ALOX12B: variants seen among roughly 807,000 people sequenced by gnomAD.
ALOX12B encodes arachidonate 12-lipoxygenase, 12R-type.
A neutral mutation model predicts 78.9 loss-of-function variants in ALOX12B; 47 were observed. The observed-to-expected ratio is 0.60, with a 90% CI of 0.47 to 0.76. The LOEUF is 0.76. Among genes scored for constraint, ALOX12B ranks in the 30% least tolerant of loss-of-function variants. ALOX12B has a pLI of 0.00. For missense variants in ALOX12B, 805 were observed against 922.6 expected, an observed-to-expected ratio of 0.87 and a Z score of 1.65; for synonymous variants, 370 against 374.5, an observed-to-expected ratio of 0.99 and a Z score of 0.14.
rs1567981916 is a variant in ALOX12B, at chr17:8,077,121, T to C, written c.1144A>G (p.Lys382Glu). ...SDSEWDWLLA[K>E]TWVRYAEFYS... ...AACTCCGCATAGCGTACCCACGTCT[T>C]GGCTAGCAGCCAGTCCCACTCAGAA... Residue 382 changes from lysine (K) to glutamate (E), a missense_variant, in exon 9 of 15, where the codon AAG becomes GAG. Lys to Glu is a moderately conservative substitution (Grantham distance 56). Transcript: ENST00000647874. 6.2e-7 allele frequency: 1 copy of C among 1,613,488 alleles called. No homozygotes were observed. The highest frequency in any genetic ancestry group is 1.7e-5 in the Admixed American group (1 of 60,016).
At chr17:8,081,832 G>A (rs1345858396) in intron 2 of ALOX12B, among the ~76,000 whole-genome samples, 1 of 152,062 alleles carries the variant, frequency 6.6e-6, no homozygotes, top group East Asian at 1.9e-4. Context: ...TAGTAGACAC[G>A]TGGTTTCGCC....
intron 8 of ALOX12B, among the ~76,000 whole-genome samples, chr17:8,077,536 G>T (rs1449901726): frequency 6.6e-6 from 1 of 152,202 alleles, no homozygotes; most frequent in Admixed American, 6.5e-5. Context: ...ACTGCACAAG[G>T]ATTCCTAGCC....
Position 8,079,886 on chromosome 17 carries a change from G to A in ALOX12B, c.810C>T (p.Asn270=). Residue 270 remains asparagine, a synonymous_variant, in exon 7 of 15, where the codon AAC becomes AAT. Transcript: ENST00000647874. This position sits in a 1 kb window ranked among gnomAD's most constrained non-coding sequence, Gnocchi z 6.4. ...GGCGGATCAGGCCGGGGTTGACGCCGTTGAGGTACTGGTACCCAAAGAAGG... is the reference window on the plus strand; with the variant it reads ...GGCGGATCAGGCCGGGGTTGACGCCATTGAGGTACTGGTACCCAAAGAAGG... The part of the protein sequence containing the change: ...EDTFFGYQYL[N]GVNPGLIRRC... The A allele has an allele frequency of 6.2e-7, 1 of 1,613,358 alleles. No homozygotes were observed. Among genetic ancestry groups the A allele is most frequent in the African/African-American group, 1.3e-5 (1 of 75,064 alleles).
chr17:8,076,647 G>A lies in ALOX12B; in HGVS notation c.1362+10C>T, dbSNP rs1977088354. The A allele has an allele frequency of 6.4e-7, 1 of 1,550,600 alleles. No individual in the cohort carries two copies. Among genetic ancestry groups the A allele is most frequent in the Non-Finnish European group, 8.7e-7 (1 of 1,146,208 alleles). On this transcript the variant is annotated intron_variant, in intron 10 of 14. Coordinates refer to ENST00000647874, the MANE Select transcript of ALOX12B (RefSeq NM_001139.3). ...AAATGTCTCGTTGGGGTTGGGGGCAGAAGTCTTACCTTGGCAGAGAGCCCC... is the reference window on the plus strand; with the variant it reads ...AAATGTCTCGTTGGGGTTGGGGGCAAAAGTCTTACCTTGGCAGAGAGCCCC...
chr17:8,077,180 G>A lies in ALOX12B; in HGVS notation c.1085C>T (p.Pro362Leu). The change falls in exon 9 of 15, where the codon CCT becomes CTT. Residue 362 changes from proline to leucine, a missense_variant. Physicochemically the swap from Pro to Leu is moderately conservative, Grantham distance 98 (BLOSUM62 -3). Transcript: ENST00000647874. Reference sequence around the variant, plus strand: ...CAGGAAGATGGGGCAATCTGGCCCAGGGGTCTGGCTGAGCTAGGTGTGGTG... The same window carrying A: ...CAGGAAGATGGGGCAATCTGGCCCAAGGGTCTGGCTGAGCTAGGTGTGGTG... ...MPIAIQLSQTPGPDCPIFLPS... is the reference protein window; with the variant it reads ...MPIAIQLSQTLGPDCPIFLPS... The A allele has an allele frequency of 6.2e-7, 1 of 1,612,540 alleles. No individual in the cohort carries two copies.
intron 12 of ALOX12B, among the ~76,000 whole-genome samples, 160 bp from the exon 13 acceptor site, chr17:8,073,917 C>A (rs777274258): frequency 1.3e-5 from 2 of 152,198 alleles, no homozygotes; most frequent in Non-Finnish European, 2.9e-5. Context: ...ATGGCAGCAA[C>A]CCCATCTCCC....
At chr17:8,074,863 G>A (rs1198708725) in intron 12 of ALOX12B, among the ~76,000 whole-genome samples, 1 of 152,208 alleles carries the variant, frequency 6.6e-6, no homozygotes, top group African/African-American at 2.4e-5. Flanking sequence ...CTGCTCCCAT[G>A]CGGAACTCTC....
chr17:8,086,223 A>G lies in ALOX12B; in HGVS notation c.148-3T>C. 2.5e-6 allele frequency: 4 copies of G among 1,613,792 alleles called. No individual in the cohort carries two copies. The highest frequency in any genetic ancestry group is 3.4e-6 in the Non-Finnish European group (4 of 1,179,910). ...CACTGCACGGTGTACTGGCCCACCT[A>G]GGCAGGATGCAAGCCTGGCTGAGTG... On this transcript the variant is annotated splice_region_variant and splice_polypyrimidine_tract_variant and intron_variant, in intron 1 of 14. Transcript: ENST00000647874.
Position 8,080,661 on chromosome 17 carries a change from G to T in ALOX12B, c.647C>A (p.Pro216His). Residue 216 changes from proline (P) to histidine (H), a missense_variant, in exon 5 of 15, where the codon CCC becomes CAC. Physicochemically the swap from Pro to His is moderately conservative, Grantham distance 77. Coordinates refer to ENST00000647874, the MANE Select transcript of ALOX12B (RefSeq NM_001139.3). The surrounding 1 kb of genome is among the most constrained non-coding windows in gnomAD (Gnocchi z 4.8). ...CCCGTCACTCACACGGACTCACATG[G>T]GCCCCAGGCGGACGAAGAAGGAGGC... ...KTASFFVRLG[P>H]MALAFKVRGL... The T allele has an allele frequency of 6.2e-7, 1 of 1,614,118 alleles. No homozygotes were observed. Among genetic ancestry groups the T allele is most frequent in the Non-Finnish European group, 8.5e-7 (1 of 1,180,018 alleles).
chr17:8,076,843 A>T, intron 9 of ALOX12B, 100 bp from the exon 10 acceptor site: 2 of 1,455,134 alleles, frequency 1.4e-6, no homozygotes, highest in Non-Finnish European at 1.9e-6. Flanking sequence ...CACTCTGGGA[A>T]GTCCCTATGC....
At chr17:8,084,461 A>T (rs776782055) in intron 2 of ALOX12B, among the ~76,000 whole-genome samples, 1 of 152,188 alleles carries the variant, frequency 6.6e-6, no homozygotes, top group African/African-American at 2.4e-5. Flanking sequence ...GGGTGACTCA[A>T]GTCTCCCTGT....
At chr17:8,085,919 C>A (rs1267462066) in intron 2 of ALOX12B, 97 bp downstream of exon 2, 1 of 1,458,570 alleles carries the variant, frequency 6.9e-7, no homozygotes, top group East Asian at 2.3e-5. Flanking sequence ...GCTGGGCCCC[C>A]CTCTGGCTTG....
At chr17:8,082,537 G>T (rs1977236968) in intron 2 of ALOX12B, among the ~76,000 whole-genome samples, 1 of 152,230 alleles carries the variant, frequency 6.6e-6, no homozygotes, top group South Asian at 2.1e-4. Flanking sequence ...CCCACTAGCT[G>T]CTCTCCGATA....
intron 8 of ALOX12B, among the ~76,000 whole-genome samples, chr17:8,078,300 G>C (rs10852895): frequency 0.67 from 101,089 of 150,992 alleles, 34,126 homozygotes; most frequent in African/African-American, 0.75. Context: ...CGCCGCCCCC[G>C]ACCATGCCCA....
rs189145390 is a variant in ALOX12B at position 8,082,871 on chromosome 17, A to G, written c.353-1684T>C. Among the ~76,000 whole-genome samples, 3 of 152,210 alleles carry G rather than the reference A, an allele frequency of 2.0e-5. No individual in the cohort carries two copies. In the East Asian group the frequency reaches 5.8e-4, roughly 29 times the overall value. ...ACACCAGGCACTTTGTAGACACTTT[A>G]CTTTTATTAATCTAAGCCTAAGAAG... On this transcript the variant is annotated intron_variant, in intron 2 of 14. Transcript: ENST00000647874.
In ALOX12B at chr17:8,079,976, C is replaced by T. The variant is rs751279885; in HGVS notation, c.755-35G>A. 1.9e-6 allele frequency: 3 copies of T among 1,600,698 alleles called. No homozygotes were observed. The African/African-American group carries it at 4.0e-5, about 21-fold the overall frequency. Reference sequence around the variant, plus strand: ...CGGCGCGAGGGCGTCACAAGGAGGCCCGGCCCCCCTCGGGGACGGAGAGGC... The same window carrying T: ...CGGCGCGAGGGCGTCACAAGGAGGCTCGGCCCCCCTCGGGGACGGAGAGGC... On this transcript the variant is annotated intron_variant, in intron 6 of 14. Transcript: ENST00000647874. This position sits in a 1 kb window ranked among gnomAD's most constrained non-coding sequence, Gnocchi z 6.4.
chr17:8,077,823 C>T (rs1375387276), intron 8 of ALOX12B, among the ~76,000 whole-genome samples: 3 of 152,144 alleles, frequency 2.0e-5, no homozygotes, highest in Non-Finnish European at 4.4e-5. Flanking sequence ...TGGATGAAGT[C>T]AAAGAGACAA....
At chr17:8,076,942 G>A in intron 9 of ALOX12B, 48 bp downstream of exon 9, 2 of 1,587,474 alleles carry the variant, frequency 1.3e-6, no homozygotes, top group Non-Finnish European at 1.7e-6. Flanking sequence ...TCGGAGGCCA[G>A]GTGAGGGCCA....
In ALOX12B at chr17:8,080,221, G is replaced by T; in HGVS notation, c.754+14C>A. 3 of 1,611,748 alleles carry T rather than the reference G, an allele frequency of 1.9e-6. No individual in the cohort carries two copies. The highest frequency in any genetic ancestry group is 2.5e-6 in the Non-Finnish European group (3 of 1,177,812). On this transcript the variant is annotated intron_variant, in intron 6 of 14. Coordinates refer to ENST00000647874, the MANE Select transcript of ALOX12B (RefSeq NM_001139.3). The surrounding 1 kb of genome is among the most constrained non-coding windows in gnomAD (Gnocchi z 4.8). Reference sequence around the variant, plus strand: ...TGGCTCCCCCTGCTCGATCCGGGACGCCCCATTCCATACCGGAGACGACAG... The same window carrying T: ...TGGCTCCCCCTGCTCGATCCGGGACTCCCCATTCCATACCGGAGACGACAG...
Sources: allele counts gnomAD v4.1 joint callset (sites outside exome capture counted in the v4.1 genomes callset), GRCh38; gene constraint gnomAD v4.1.1; non-coding constraint Gnocchi (gnomAD v3.1); transcripts MANE v1.5; gene names NCBI Gene and HGNC (gene_info 2026-07-23, HGNC 2026-07-21).